The following ATP13A5 variants were observed in gnomAD, a reference collection of about 807,000 sequenced individuals.
The protein encoded by ATP13A5 is probable cation-transporting ATPase 13A5.
A neutral mutation model predicts 150.2 loss-of-function variants in ATP13A5; 149 were observed. That is an observed-to-expected ratio of 0.99 (90% CI 0.87 to 1.14). The LOEUF (loss-of-function observed/expected upper bound fraction) is 1.14. Among genes scored for constraint, ATP13A5 ranks in the 50% most tolerant of loss-of-function variants. ATP13A5 has a pLI of 0.00. For synonymous variants in ATP13A5, 497 were observed against 522.2 expected (o/e 0.95, Z 0.66); for missense variants, 1,383 against 1,449.3 (o/e 0.95, Z 0.74).
Position 193,364,262 on chromosome 3 carries a change from C to A in ATP13A5, c.82G>T (p.Asp28Tyr), listed in dbSNP as rs767332809. The A allele has an allele frequency of 6.2e-7, 1 of 1,613,432 alleles. No individual in the cohort carries two copies. Among genetic ancestry groups the A allele is most frequent in the Non-Finnish European group, 8.5e-7 (1 of 1,179,710 alleles). The stretch of plus-strand genomic sequence containing the variant: ...CAGAAGGCTTTCCGTACATTGTGGT[C>A]CCGGTAACCAAACACCTCCTGGAGA... Reference protein sequence around the residue: ...EDELEVFGYRDHNVRKAFCLV... With the variant: ...EDELEVFGYRYHNVRKAFCLV... The change falls in exon 2 of 30, where the codon GAC becomes TAC. Residue 28 changes from aspartate (D) to tyrosine (Y), a missense_variant. By Grantham distance (160) the Asp-to-Tyr change is radical. This residue lies in a region of ATP13A5 where 787 missense variants were observed against 771.9 expected (regional missense o/e 1.02). Transcript: ENST00000342358.
At position 193,378,256 on chromosome 3, in the gene ATP13A5, T is replaced by A. The variant is rs543345768; in HGVS notation, c.63+407A>T. On this transcript the variant is annotated intron_variant, in intron 1 of 29. Transcript: ENST00000342358. Reference sequence around the variant, plus strand: ...AGCATGACTTCAGCCCAGAGCCCCCTAAGCCTAGGTTATGCATACATACCC... The same window carrying A: ...AGCATGACTTCAGCCCAGAGCCCCCAAAGCCTAGGTTATGCATACATACCC... Among the ~76,000 whole-genome samples the A allele has an allele frequency of 3.9e-5, 6 of 152,314 alleles. No individual in the cohort carries two copies. The East Asian group carries it at 1.2e-3, about 29-fold the overall frequency.
intron 9 of ATP13A5, among the ~76,000 whole-genome samples, chr3:193,338,584 G>A (rs909182846): frequency 2.0e-5 from 3 of 152,088 alleles, no homozygotes; most frequent in East Asian, 1.9e-4. Context: ...GGATAAAGCC[G>A]ACTTCATCAT....
chr3:193,338,301 G>A (rs1711973995), intron 9 of ATP13A5, among the ~76,000 whole-genome samples: 1 of 152,138 alleles, frequency 6.6e-6, no homozygotes, highest in South Asian at 2.1e-4. Flanking sequence ...GGGCATCCCT[G>A]TCTTGTGCCA....
intron 26 of ATP13A5, 138 bp from the exon 27 acceptor site, chr3:193,285,254 G>A (rs1717673067): frequency 1.5e-6 from 1 of 678,382 alleles, no homozygotes; most frequent in Non-Finnish European, 2.5e-6. Context: ...GACATACTTT[G>A]TTCACCTCTT....
At chr3:193,289,759 G>T in intron 26 of ATP13A5, 126 bp downstream of exon 26, 51 of 787,116 alleles carry the variant, frequency 6.5e-5, no homozygotes, top group East Asian at 2.3e-4. Context: ...CCCATCATTT[G>T]AGTTTTGCAG....
intron 12 of ATP13A5, 120 bp downstream of exon 12, chr3:193,330,993 GTGACCTTCTC>G: frequency 1.1e-6 from 1 of 904,568 alleles, no homozygotes; most frequent in Non-Finnish European, 1.7e-6. Context: ...AGCTCACTCT[GTGACCTTCTC>G]TGGCCTCAAC....
chr3:193,319,141 G>A, intron 16 of ATP13A5, 33 bp from the exon 17 acceptor site: 1 of 1,541,590 alleles, frequency 6.5e-7, no homozygotes, highest in Non-Finnish European at 9.0e-7. Context: ...TAAGTGTAAG[G>A]TCATGTTGAA....
chr3:193,358,202 A>G (rs187994171), intron 5 of ATP13A5, among the ~76,000 whole-genome samples: 209 of 152,322 alleles, frequency 1.4e-3, no homozygotes, highest in Non-Finnish European at 2.1e-3. Flanking sequence ...CCATACATAC[A>G]ATGTCAAGCC....
chr3:193,326,676 C>T (rs927696230), intron 13 of ATP13A5, among the ~76,000 whole-genome samples: 1 of 152,160 alleles, frequency 6.6e-6, no homozygotes, highest in African/African-American at 2.4e-5. Context: ...CCTGCCTGCG[C>T]TAGCCACCCA....
chr3:193,363,582 G>A (rs1287699630), intron 2 of ATP13A5, among the ~76,000 whole-genome samples, 200 bp from the exon 3 acceptor site: 1 of 152,222 alleles, frequency 6.6e-6, no homozygotes, highest in South Asian at 2.1e-4. Flanking sequence ...CAGCATCCTT[G>A]TTTCAATGAG....
intron 29 of ATP13A5, among the ~76,000 whole-genome samples, chr3:193,275,838 C>G (rs1228758043): frequency 6.6e-6 from 1 of 152,090 alleles, no homozygotes; most frequent in African/African-American, 2.4e-5. Context: ...GCTAAACTTT[C>G]TGTGGTAAAC....
At chr3:193,310,516 T>C in intron 21 of ATP13A5, 122 bp downstream of exon 21, 1 of 707,150 alleles carries the variant, frequency 1.4e-6, no homozygotes, top group South Asian at 2.1e-5. Flanking sequence ...TTCTCTGCAA[T>C]CTTGCCAACA....
rs767426815 is a variant in ATP13A5 at position 193,279,455 on chromosome 3, C to G, written c.3227-1G>C. 6.2e-7 allele frequency: 1 copy of G among 1,610,484 alleles called. No homozygotes were observed. The highest frequency in any genetic ancestry group is 8.5e-7 in the Non-Finnish European group (1 of 1,177,006). On this transcript the variant is annotated splice_acceptor_variant, in intron 27 of 29. Coordinates refer to ENST00000342358, the MANE Select transcript of ATP13A5 (RefSeq NM_198505.4). LOFTEE classifies it high-confidence loss of function. ...GCTAGCAGCAGAAATGAAAATATAT[C>G]TGAGGAAATACCAAACATTATTTTT...
Position 193,315,089 on chromosome 3 carries a change from C to G in ATP13A5, c.2041G>C (p.Val681Leu). Residue 681 changes from valine (V) to leucine (L), a missense_variant, in exon 18 of 30, where the codon GTG becomes CTG. This residue lies in a region of ATP13A5 where 28 missense variants were observed against 55.9 expected (regional missense o/e 0.50). Coordinates refer to ENST00000342358, the MANE Select transcript of ATP13A5 (RefSeq NM_198505.4). Reference sequence around the variant, plus strand: ...CCCAGAAATGTTAACTCTGACTCCACTTTTTCTCTTTGTATTCAGGAGAAA... The same window carrying G: ...CCCAGAAATGTTAACTCTGACTCCAGTTTTTCTCTTTGTATTCAGGAGAAA... ...SEVEHLAREK[V>L]ESELTFLGLL... The G allele has an allele frequency of 6.2e-7, 1 of 1,613,184 alleles. No homozygotes were observed. The highest frequency in any genetic ancestry group is 8.5e-7 in the Non-Finnish European group (1 of 1,179,474).
At chr3:193,284,871 T>A in intron 27 of ATP13A5, 43 bp downstream of exon 27, 1 of 1,492,418 alleles carries the variant, frequency 6.7e-7, no homozygotes, top group South Asian at 1.2e-5. Flanking sequence ...AGAAAGGGAA[T>A]GGGAAAATAT....
chr3:193,284,801 G>T, intron 27 of ATP13A5, 113 bp downstream of exon 27: 1 of 894,012 alleles, frequency 1.1e-6, no homozygotes, highest in Non-Finnish European at 1.7e-6. Flanking sequence ...CAATTTTAGA[G>T]TCATGCAATT....
intron 23 of ATP13A5, among the ~76,000 whole-genome samples, chr3:193,303,855 GTATT>G (rs1416605604): frequency 2.7e-5 from 4 of 150,860 alleles, no homozygotes; most frequent in African/African-American, 2.4e-5. Context: ...ATGTATATAT[GTATT>G]TATGTAAATA....
chr3:193,280,119 T>C (rs1211053604), intron 27 of ATP13A5, among the ~76,000 whole-genome samples: 1 of 151,846 alleles, frequency 6.6e-6, no homozygotes, highest in Non-Finnish European at 1.5e-5. Context: ...GGCACGATCT[T>C]GGCTCACTGC....
chr3:193,366,948 A>G (rs1262385004), intron 1 of ATP13A5, among the ~76,000 whole-genome samples: 6 of 152,140 alleles, frequency 3.9e-5, no homozygotes, highest in African/African-American at 1.4e-4. Flanking sequence ...GAAATAACAC[A>G]GGTAAGTCAA....
Sources: gnomAD v4.1 joint callset for allele counts (sites outside exome capture counted in the v4.1 genomes callset) on GRCh38, gnomAD v4.1.1 for gene constraint, gnomAD v4.1.1 regional missense constraint, MANE v1.5 for transcripts, NCBI Gene and HGNC (gene_info 2026-07-23, HGNC 2026-07-21) for gene names.